The following VEPH1 variants were observed in gnomAD, a reference collection of about 807,000 sequenced individuals.
The protein encoded by VEPH1 is ventricular zone expressed PH domain containing 1, also known as ventricular zone-expressed PH domain-containing protein homolog 1.
Under a neutral mutation model 85.2 loss-of-function variants are expected in VEPH1, and 80 were observed. That is an observed-to-expected ratio of 0.94 (90% CI 0.78 to 1.13). VEPH1 has a LOEUF of 1.13. Among genes scored for constraint, VEPH1 ranks in the 50% most tolerant of loss-of-function variants. The probability of loss-of-function intolerance (pLI) is 0.00; values close to 1 mark genes in which losing one functional copy is unlikely to be tolerated. For synonymous variants in VEPH1, 297 were observed against 348.0 expected, an observed-to-expected ratio of 0.85 and a Z score of 1.63; for missense variants, 955 against 980.5, an observed-to-expected ratio of 0.97 and a Z score of 0.35.
chr3:157,436,209 G>A (rs994193847), intron 4 of VEPH1, among the ~76,000 whole-genome samples: 6 of 151,016 alleles, frequency 4.0e-5, no homozygotes, highest in South Asian at 2.1e-4. Flanking sequence ...CCCAGGATGC[G>A]GAGGTTGCAG....
At chr3:157,455,910 T>C (rs1046209305) in intron 4 of VEPH1, among the ~76,000 whole-genome samples, 19 of 152,206 alleles carry the variant, frequency 1.2e-4, no homozygotes, top group Non-Finnish European at 5.9e-5. Context: ...GTCTTTATGA[T>C]GGAACAATTT....
At chr3:157,440,620 A>T in intron 4 of VEPH1, among the ~76,000 whole-genome samples, 1 of 152,046 alleles carries the variant, frequency 6.6e-6, no homozygotes, top group Admixed American at 6.5e-5. Context: ...TTATATACAT[A>T]TATGTATGTA....
intron 4 of VEPH1, among the ~76,000 whole-genome samples, chr3:157,434,998 A>G (rs1417480888): frequency 1.3e-5 from 2 of 152,114 alleles, no homozygotes; most frequent in African/African-American, 4.8e-5. Flanking sequence ...CTTCCAGTTC[A>G]TTAATATTCT....
In VEPH1 at chr3:157,260,629, ATATGTC is replaced by A. The variant is rs1049979413; in HGVS notation, c.*499_*504del. 21 of 152,226 alleles carry A rather than the reference ATATGTC, an allele frequency of 1.4e-4. No homozygotes were observed. The highest frequency in any genetic ancestry group is 7.2e-4 in the Admixed American group (11 of 15,278). The allele number at this position is 152,226 out of a possible 1,614,324, so 9.4% of individuals were successfully genotyped here. A position where few individuals can be genotyped will look rare whatever the true frequency, so the allele number is the denominator to read the frequency against. On this transcript the variant is annotated 3_prime_UTR_variant, in exon 14 of 14. Transcript: ENST00000362010. ...TGTAGTAAGAGAGGATCATGTAATT[ATATGTC>A]TATAAGTAAGTTATATGGTTTTTCT...
At position 157,442,280 on chromosome 3, in the gene VEPH1, T is replaced by A. The variant is rs185181188; in HGVS notation, c.530-13792A>T. 155 of 1,234,754 alleles carry A rather than the reference T, an allele frequency of 1.3e-4. No individual in the cohort carries two copies. The Admixed American group carries it at 2.6e-3, about 20-fold the overall frequency. 76.5% of individuals were successfully genotyped at this position (1,234,754 alleles called of 1,614,324 possible). ...TAGCTTTCAATTGTAATAATTAAAA[T>A]TCTTATGTTAAATAACTAATGCCAG... On this transcript the variant is annotated intron_variant, in intron 4 of 13. Transcript: ENST00000362010.
rs373999880 is a variant in VEPH1, at chr3:157,465,903, T to C, written c.354+4411A>G. On this transcript the variant is annotated intron_variant, in intron 3 of 13. Coordinates refer to ENST00000362010, the MANE Select transcript of VEPH1 (RefSeq NM_001167912.2). ...CAGTCATCAACAGTGGTAGCAGAGA[T>C]TGGGGGAAGATGAAATGTGGAGCTG... Among the ~76,000 whole-genome samples the C allele has an allele frequency of 3.0e-4, 46 of 152,082 alleles. 1 individual carries two copies. Among genetic ancestry groups the C allele is most frequent in the African/African-American group, 1.1e-3 (46 of 41,420 alleles).
intron 7 of VEPH1, among the ~76,000 whole-genome samples, chr3:157,368,439 G>A (rs561206433): frequency 6.6e-6 from 1 of 152,274 alleles, no homozygotes; most frequent in East Asian, 1.9e-4. Flanking sequence ...TGAAAAACAG[G>A]ACACTCAGCC....
rs570623427 is a variant in VEPH1 at position 157,288,214 on chromosome 3, C to T, written c.2011-1540G>A. Reference sequence around the variant, plus strand: ...AAGAGGGACTTAATGTTCTTATTGGCCTTGCATGTACCCAGCCAACTAACA... The same window carrying T: ...AAGAGGGACTTAATGTTCTTATTGGTCTTGCATGTACCCAGCCAACTAACA... On this transcript the variant is annotated intron_variant, in intron 11 of 13. Coordinates refer to ENST00000362010, the MANE Select transcript of VEPH1 (RefSeq NM_001167912.2). Among the ~76,000 whole-genome samples the T allele has an allele frequency of 4.6e-5, 7 of 152,308 alleles. No individual in the cohort carries two copies. The South Asian group carries it at 1.2e-3, about 27-fold the overall frequency.
chr3:157,477,023 A>G (rs1051351992), intron 2 of VEPH1, among the ~76,000 whole-genome samples: 2 of 152,200 alleles, frequency 1.3e-5, no homozygotes, highest in African/African-American at 4.8e-5. Flanking sequence ...AAGGAGGGAT[A>G]CTGCATTTGT....
intron 7 of VEPH1, 168 bp downstream of exon 7, chr3:157,380,986 TCA>T: frequency 1.5e-6 from 1 of 661,406 alleles, no homozygotes; most frequent in Non-Finnish European, 2.6e-6. Context: ...ATTCTGGTTT[TCA>T]CACATTTAGA....
At chr3:157,292,866 C>T (rs1717671677) in intron 11 of VEPH1, among the ~76,000 whole-genome samples, 1 of 146,728 alleles carries the variant, frequency 6.8e-6, no homozygotes. Flanking sequence ...GCCTGTAATG[C>T]CAGCTACTTG....
intron 7 of VEPH1, among the ~76,000 whole-genome samples, chr3:157,372,763 CA>C (rs1380781096): frequency 6.6e-6 from 1 of 151,792 alleles, no homozygotes; most frequent in Non-Finnish European, 1.5e-5. Flanking sequence ...GTAAAAATAG[CA>C]AAAATAAACT....
intron 9 of VEPH1, among the ~76,000 whole-genome samples, chr3:157,333,656 T>C (rs373110405): frequency 6.6e-6 from 1 of 152,338 alleles, no homozygotes. Flanking sequence ...CACTTGGCTC[T>C]TCCAAGCACA....
At chr3:157,376,305 C>G (rs1728097875) in intron 7 of VEPH1, among the ~76,000 whole-genome samples, 3 of 152,170 alleles carry the variant, frequency 2.0e-5, no homozygotes, top group Non-Finnish European at 2.9e-5. Flanking sequence ...GCGCCACATT[C>G]ATTTGGCAAA....
In VEPH1 at chr3:157,261,106, A is replaced by G; in HGVS notation, c.*28T>C. On this transcript the variant is annotated 3_prime_UTR_variant, in exon 14 of 14. Transcript: ENST00000362010. ...AATGATAATACAATGCCTGTGGTGT[A>G]TAATTGTCATGGCTGACTTATAAAT... 1 of 1,606,120 alleles carries G rather than the reference A, an allele frequency of 6.2e-7. No homozygotes were observed. Among genetic ancestry groups the G allele is most frequent in the South Asian group, 1.1e-5 (1 of 90,666 alleles).
chr3:157,266,974 C>T (rs1311945226), intron 12 of VEPH1, among the ~76,000 whole-genome samples: 1 of 152,108 alleles, frequency 6.6e-6, no homozygotes, highest in African/African-American at 2.4e-5. Flanking sequence ...TTGTACACTA[C>T]CATTTCTTTT....
At chr3:157,454,663 T>C (rs940706968) in intron 4 of VEPH1, among the ~76,000 whole-genome samples, 5 of 152,144 alleles carry the variant, frequency 3.3e-5, no homozygotes, top group African/African-American at 7.2e-5. Context: ...CAAGGCTATA[T>C]TGCATGATGC....
rs959634292 is a variant in VEPH1 at position 157,388,055 on chromosome 3, C to T, written c.907-6679G>A. Among the ~76,000 whole-genome samples, 11 of 152,246 alleles carry T rather than the reference C, an allele frequency of 7.2e-5. 1 individual carries two copies. The highest frequency in any genetic ancestry group is 2.0e-4 in the Admixed American group (3 of 15,294). ...GAATGAAAATATTGCATTTCCCGGG[C>T]ATTTGTATTTTACACCATTTGATTT... On this transcript the variant is annotated intron_variant, in intron 6 of 13. Transcript: ENST00000362010.
At position 157,261,272 on chromosome 3, in the gene VEPH1, G is replaced by A. The variant is rs527392367; in HGVS notation, c.2364C>T (p.Phe788=). ...KRRDRSLPRA[F]EIFTDNKTYV... ...AGGTTTTATTGTCTGTGAAGATTTC[G>A]AAAGCCCGGGGGAGAGAGCGGTCCC... Residue 788 remains phenylalanine, a synonymous_variant, in exon 14 of 14, where the codon TTC becomes TTT. Coordinates refer to ENST00000362010, the MANE Select transcript of VEPH1 (RefSeq NM_001167912.2). 7.4e-6 allele frequency: 12 copies of A among 1,613,654 alleles called. No homozygotes were observed. Among genetic ancestry groups the A allele is most frequent in the Admixed American group, 3.3e-5 (2 of 59,954 alleles).
Sources: allele counts gnomAD v4.1 joint callset (sites outside exome capture counted in the v4.1 genomes callset), GRCh38; gene constraint gnomAD v4.1.1; transcripts MANE v1.5; gene names NCBI Gene and HGNC (gene_info 2026-07-23, HGNC 2026-07-21).